The following ME3 variants were observed in gnomAD, a reference collection of about 807,000 sequenced individuals.
ME3 encodes NADP-dependent malic enzyme, mitochondrial.
In ME3, 48 loss-of-function variants were observed where a neutral mutation model predicts 68.9. The observed-to-expected ratio is 0.70, with a 90% CI of 0.55 to 0.89. ME3 has a LOEUF of 0.89. Among genes scored for constraint, ME3 ranks in the 40% least tolerant of loss-of-function variants. The pLI, the probability that ME3 is intolerant of heterozygous loss-of-function variation, is 0.00. For missense variants in ME3, 675 were observed against 797.4 expected (o/e 0.85, Z 1.85); for synonymous variants, 320 against 318.8 (o/e 1.00, Z -0.04).
chr11:86,483,510 T>C (rs1401903934), intron 7 of ME3, among the ~76,000 whole-genome samples: 3 of 152,008 alleles, frequency 2.0e-5, no homozygotes, highest in Non-Finnish European at 4.4e-5. Context: ...ATTACGTGTG[T>C]GTGTGTGATT....
intron 2 of ME3, among the ~76,000 whole-genome samples, chr11:86,665,749 C>T (rs1165529074): frequency 6.6e-6 from 1 of 152,156 alleles, no homozygotes; most frequent in Non-Finnish European, 1.5e-5. Context: ...TCAGTGGTGA[C>T]CCATGGTGAA....
At chr11:86,658,092 G>A (rs115954227) in intron 2 of ME3, among the ~76,000 whole-genome samples, 342 of 151,732 alleles carry the variant, frequency 2.3e-3, no homozygotes, top group African/African-American at 8.0e-3. Flanking sequence ...CATGAAAACA[G>A]GAGATGGGAG....
chr11:86,460,596 C>G (rs962543748), intron 8 of ME3, among the ~76,000 whole-genome samples: 7 of 152,194 alleles, frequency 4.6e-5, no homozygotes, highest in Admixed American at 1.3e-4. Context: ...ATGTGTGGTT[C>G]CCAAGAAGAT....
chr11:86,521,948 T>A (rs1471665305), intron 4 of ME3, among the ~76,000 whole-genome samples: 1 of 152,094 alleles, frequency 6.6e-6, no homozygotes, highest in Admixed American at 6.6e-5. Flanking sequence ...CTACTGTGGA[T>A]TGAAAATACT....
rs531816624 is a variant in ME3, at chr11:86,466,044, C to T, written c.810-844G>A. ...TATTTAAAATCCATGCTAGCATTGC[C>T]TCCTAGATTTCATGGCCTTCCCTTA... On this transcript the variant is annotated intron_variant, in intron 7 of 14. Transcript: ENST00000543262. 1.2e-4 allele frequency among the ~76,000 whole-genome samples: 19 copies of T among 152,266 alleles called. No homozygotes were observed. The East Asian group carries it at 3.5e-3, about 28-fold the overall frequency.
At chr11:86,564,410 C>A (rs1348130559) in intron 2 of ME3, among the ~76,000 whole-genome samples, 1 of 146,690 alleles carries the variant, frequency 6.8e-6, no homozygotes, top group Non-Finnish European at 1.5e-5. Flanking sequence ...CCCCGAACAG[C>A]CAAAATCTTT....
chr11:86,548,018 G>A (rs1245318863), intron 4 of ME3, among the ~76,000 whole-genome samples: 1 of 152,190 alleles, frequency 6.6e-6, no homozygotes, highest in African/African-American at 2.4e-5. Context: ...ATTTAAGTAA[G>A]GAAAACATAA....
intron 2 of ME3, among the ~76,000 whole-genome samples, chr11:86,623,384 C>T (rs550102099): frequency 3.3e-5 from 5 of 152,310 alleles, no homozygotes; most frequent in South Asian, 2.1e-4. Flanking sequence ...CACTGGCTTA[C>T]CTGGTGCTCC....
At chr11:86,631,813 A>T (rs1594731584) in intron 2 of ME3, among the ~76,000 whole-genome samples, 1 of 152,006 alleles carries the variant, frequency 6.6e-6, no homozygotes, top group Admixed American at 6.6e-5. Context: ...ACTCACTGCA[A>T]CCTCCGCCTC....
rs145473598 is a variant in ME3 at position 86,527,791 on chromosome 11, A to T, written c.468-18924T>A. 6.3e-3 allele frequency among the ~76,000 whole-genome samples: 966 copies of T among 152,374 alleles called. 10 individuals are homozygous for T. The highest frequency in any genetic ancestry group is 0.022 in the African/African-American group (920 of 41,598). ...GTGAAGGAGAAATAAAATACTTCAT[A>T]GACAAGCAAATGCTGAGAGATTTTG... is the stretch of plus-strand genomic sequence containing the variant. On this transcript the variant is annotated intron_variant, in intron 4 of 14. Transcript: ENST00000543262.
chr11:86,498,109 C>G, exon 6 of ME3: 1 of 1,611,692 alleles, frequency 6.2e-7, no homozygotes, highest in Non-Finnish European at 8.5e-7. Context: ...CGCTCCCCAT[C>G]AGTCACCACC....
chr11:86,646,214 A>G (rs1369178347), intron 2 of ME3, among the ~76,000 whole-genome samples: 3 of 152,228 alleles, frequency 2.0e-5, no homozygotes, highest in Non-Finnish European at 4.4e-5. Context: ...TTGAATTGAC[A>G]GAAGTAGGCT....
chr11:86,460,059 C>A (rs1950155125), intron 8 of ME3, among the ~76,000 whole-genome samples: 1 of 152,222 alleles, frequency 6.6e-6, no homozygotes, highest in South Asian at 2.1e-4. Context: ...TGTGACCATT[C>A]CCACTGCCTT....
In ME3 at chr11:86,457,623, G is replaced by C. The variant is rs533081977; in HGVS notation, c.920-7225C>G. The stretch of plus-strand genomic sequence containing the variant: ...TGGGGTGCTCTTGGGCTATGCACTA[G>C]GGGTTTAAAACTGGAAAGGAAGCTA... On this transcript the variant is annotated intron_variant, in intron 8 of 14. Coordinates refer to ENST00000543262, the Ensembl canonical transcript of ME3. The C allele has an allele frequency of 5.5e-6, 7 of 1,270,228 alleles. No individual in the cohort carries two copies. In the Admixed American group the frequency reaches 7.2e-5, roughly 13 times the overall value. 78.7% of individuals were successfully genotyped at this position (1,270,228 alleles called of 1,614,324 possible).
intron 8 of ME3, among the ~76,000 whole-genome samples, chr11:86,453,577 T>G (rs1949759196): frequency 6.6e-6 from 1 of 152,178 alleles, no homozygotes; most frequent in Admixed American, 6.5e-5. Flanking sequence ...CAAGGTAAAA[T>G]GTAGGACACT....
chr11:86,537,261 A>G (rs1269956721), intron 4 of ME3, among the ~76,000 whole-genome samples: 3 of 150,404 alleles, frequency 2.0e-5, no homozygotes, highest in African/African-American at 7.3e-5. Context: ...CAATGTGCAC[A>G]TGTACCCTAA....
chr11:86,482,083 C>T (rs2138884473), intron 7 of ME3, among the ~76,000 whole-genome samples: 1 of 152,256 alleles, frequency 6.6e-6, no homozygotes, highest in South Asian at 2.1e-4. Flanking sequence ...GTTCAGAAAA[C>T]CATGGTGAGT....
chr11:86,597,005 G>T (rs750763728), intron 2 of ME3, among the ~76,000 whole-genome samples: 6 of 152,186 alleles, frequency 3.9e-5, no homozygotes, highest in Non-Finnish European at 8.8e-5. Flanking sequence ...AAAAAGTCTG[G>T]CTGAGAAGTC....
intron 4 of ME3, among the ~76,000 whole-genome samples, chr11:86,527,842 G>A (rs979580543): frequency 4.6e-5 from 7 of 152,152 alleles, no homozygotes; most frequent in African/African-American, 1.7e-4. Flanking sequence ...CCCTACAAGA[G>A]CTCCTGAAGG....
Sources: allele counts gnomAD v4.1 joint callset (sites outside exome capture counted in the v4.1 genomes callset), GRCh38; gene constraint gnomAD v4.1.1; transcripts MANE v1.5; gene names NCBI Gene and HGNC (gene_info 2026-07-23, HGNC 2026-07-21).